KDM5D: variants seen among roughly 807,000 people sequenced by gnomAD.
The protein encoded by KDM5D is lysine-specific demethylase 5D.
Under a neutral mutation model 31.9 loss-of-function variants are expected in KDM5D, and 25 were observed. That is an observed-to-expected ratio of 0.78 (90% CI 0.57 to 1.09). The LOEUF is 1.09. KDM5D is among the 50% of genes least tolerant of loss of function. The pLI is 0.00. For synonymous variants in KDM5D, 146 were observed against 122.3 expected (o/e 1.19, Z -1.28); for missense variants, 366 against 341.6 (o/e 1.07, Z -0.56).
rs1365840574 is a variant in KDM5D at position 19,743,217 on chromosome Y, A to G, written c.173T>C (p.Val58Ala). 2 of 390,270 alleles carry G rather than the reference A, an allele frequency of 5.1e-6. No individual in the cohort carries two copies. The highest frequency in any genetic ancestry group is 7.2e-6 in the Non-Finnish European group (2 of 276,855). Residue 58 changes from valine to alanine, a missense_variant, in exon 3 of 27, where the codon GTA becomes GCA. Val to Ala is a moderately conservative substitution (Grantham distance 64). Transcript: ENST00000317961. The part of the protein sequence containing the change: ...PPADWQPPFA[V>A]EVDNFRFTPR... ...AGTAAATCTGAAATTGTCAACTTCT[A>G]CTGCAAAAGGAGGCTGCCAATCCTA...
At chrY:19,706,380 G>A (rs767239300) in intron 26 of KDM5D, 35 bp from the exon 27 acceptor site, 1 of 385,519 alleles carries the variant, frequency 2.6e-6, no homozygotes, top group South Asian at 3.1e-5. Flanking sequence ...AAAAACGTCA[G>A]TACTGGGATC....
intron 18 of KDM5D, among the ~76,000 whole-genome samples, chrY:19,714,182 C>G (rs946821318): frequency 3.1e-5 from 1 of 32,781 alleles, no homozygotes; most frequent in Admixed American, 2.7e-4. Flanking sequence ...GAGAGAGGAT[C>G]AGGAGAAATA....
intron 13 of KDM5D, among the ~76,000 whole-genome samples, chrY:19,718,482 C>T (rs1009837436): frequency 5.8e-5 from 2 of 34,220 alleles, no homozygotes; most frequent in Non-Finnish European, 1.5e-4. Flanking sequence ...ATAAGAAATA[C>T]GCAGAATAAA....
chrY:19,716,388 A>G lies in KDM5D; in HGVS notation c.1922T>C (p.Met641Thr). 2.5e-6 allele frequency: 1 copy of G among 399,182 alleles called. No individual in the cohort carries two copies. Among genetic ancestry groups the G allele is most frequent in the Non-Finnish European group, 3.5e-6 (1 of 283,401 alleles). Residue 641 changes from methionine (M) to threonine (T), a missense_variant, in exon 15 of 27, where the codon ATG becomes ACG. Transcript: ENST00000317961. ...ATCCAACGTCTCTGGGAAGGCAGCC[A>G]TCTTGCAGATGAGCTCCTCGTGGGA... is the stretch of plus-strand genomic sequence containing the variant. ...VFSHEELICK[M>T]AAFPETLDLN...
intron 6 of KDM5D, 54 bp downstream of exon 6, chrY:19,739,474 T>C: frequency 2.9e-6 from 1 of 348,733 alleles, no homozygotes; most frequent in African/African-American, 6.8e-5. Context: ...AATATCAAGG[T>C]CTAGATGAAC....
Position 19,716,292 on chromosome Y carries a change from G to C in KDM5D, c.2018C>G (p.Ala673Gly). ...TTGACCACCCACCTTCTCCAAAAGG[G>C]CCTTTCGTAGACGTCGCTCCTCCTG... ...MVQEERRLRK[A>G]LLEKGVTEAE... The change falls in exon 15 of 27, where the codon GCC becomes GGC. Residue 673 changes from alanine to glycine, a missense_variant. Transcript: ENST00000317961. 2.5e-6 allele frequency: 1 copy of C among 397,827 alleles called. No homozygotes were observed. The highest frequency in any genetic ancestry group is 3.5e-6 in the Non-Finnish European group (1 of 282,527).
intron 11 of KDM5D, among the ~76,000 whole-genome samples, chrY:19,725,110 A>G (rs772231730): frequency 3.0e-5 from 1 of 33,891 alleles, no homozygotes; most frequent in East Asian, 7.9e-4. Flanking sequence ...GGAAGAATCA[A>G]TATCGTGAAA....
chrY:19,736,522 G>A (rs377283388), intron 6 of KDM5D, among the ~76,000 whole-genome samples: 6 of 32,118 alleles, frequency 1.9e-4, no homozygotes, highest in South Asian at 7.0e-4. Flanking sequence ...ATTGCATTAC[G>A]TCTATGAGAA....
rs1603545674 is a variant in KDM5D at position 19,705,833 on chromosome Y, G to A, written c.*162C>T. On this transcript the variant is annotated 3_prime_UTR_variant, in exon 27 of 27. Coordinates refer to ENST00000317961, the MANE Select transcript of KDM5D (RefSeq NM_004653.5). ...CTGAGCATCGGGGTGTGGACTTTAC[G>A]AACCAACCTTTTAACAGTAACTCTA... 3 of 148,584 alleles carry A rather than the reference G, an allele frequency of 2.0e-5. No individual in the cohort carries two copies. The highest frequency in any genetic ancestry group is 1.2e-5 in the Non-Finnish European group (1 of 80,710). The allele number at this position is 148,584 out of a possible 400,897, so 37.1% of individuals were successfully genotyped here.
At chrY:19,740,570 T>G (rs2045542568) in intron 5 of KDM5D, among the ~76,000 whole-genome samples, 2 of 33,302 alleles carry the variant, frequency 6.0e-5, no homozygotes, top group African/African-American at 2.4e-4. Context: ...ACAATTAACT[T>G]ATTATGTAAA....
At chrY:19,728,867 A>G (rs2045452649) in intron 11 of KDM5D, among the ~76,000 whole-genome samples, 2 of 32,958 alleles carry the variant, frequency 6.1e-5, no homozygotes, top group Non-Finnish European at 1.5e-4. Context: ...TATATAGTCT[A>G]ATATTACTTG....
Position 19,721,039 on chromosome Y carries a change from T to C in KDM5D, c.1554-5A>G, listed in dbSNP as rs2045387823. 2.5e-6 allele frequency: 1 copy of C among 395,099 alleles called. No homozygotes were observed. Among genetic ancestry groups the C allele is most frequent in the African/African-American group, 6.5e-5 (1 of 15,308 alleles). Reference sequence around the variant, plus strand: ...TACCAGGTCTTCGGCTCACCCCTGCTCACGTAGACAGAAGACACGTCAAGT... The same window carrying C: ...TACCAGGTCTTCGGCTCACCCCTGCCCACGTAGACAGAAGACACGTCAAGT... On this transcript the variant is annotated splice_region_variant and splice_polypyrimidine_tract_variant and intron_variant, in intron 12 of 26. Coordinates refer to ENST00000317961, the MANE Select transcript of KDM5D (RefSeq NM_004653.5).
chrY:19,731,764 C>T lies in KDM5D; in HGVS notation c.1371+8G>A. ...GTTAATGTTAACATGAACTACCAACCGTATTACCTTCTCCTCAGGAGATAA... is the reference window on the plus strand; with the variant it reads ...GTTAATGTTAACATGAACTACCAACTGTATTACCTTCTCCTCAGGAGATAA... On this transcript the variant is annotated splice_region_variant and intron_variant, in intron 11 of 26. Transcript: ENST00000317961. 1 of 390,950 alleles carries T rather than the reference C, an allele frequency of 2.6e-6. No homozygotes were observed. The highest frequency in any genetic ancestry group is 3.0e-5 in the South Asian group (1 of 33,479).
Position 19,706,243 on chromosome Y carries a change from C to T in KDM5D, c.4372G>A (p.Val1458Ile). Reference sequence around the variant, plus strand: ...CTTTTTGACTGAAGCTCCTGTTGAACAAGATTCTCAACGTTTCTACCCTGA... The same window carrying T: ...CTTTTTGACTGAAGCTCCTGTTGAATAAGATTCTCAACGTTTCTACCCTGA... ...VDQGRNVENL[V>I]QQELQSKRAR... The change falls in exon 27 of 27, where the codon GTT (valine) becomes ATT (isoleucine). Residue 1458 changes from valine to isoleucine, a missense_variant. By Grantham distance (29) the Val-to-Ile change is conservative. Coordinates refer to ENST00000317961, the MANE Select transcript of KDM5D (RefSeq NM_004653.5). 2.5e-6 allele frequency: 1 copy of T among 396,194 alleles called. No homozygotes were observed. The highest frequency in any genetic ancestry group is 3.5e-6 in the Non-Finnish European group (1 of 282,245).
At chrY:19,710,147 T>TG (rs2045285206) in intron 19 of KDM5D, 1 of 360,570 alleles carries the variant, frequency 2.8e-6, no homozygotes, top group African/African-American at 6.8e-5. Context: ...CAGTGTCTTA[T>TG]GTAGGCCCAG....
Position 19,707,236 on chromosome Y carries a change from C to A in KDM5D, c.3910G>T (p.Ala1304Ser). 1 of 396,683 alleles carries A rather than the reference C, an allele frequency of 2.5e-6. No homozygotes were observed. Among genetic ancestry groups the A allele is most frequent in the Non-Finnish European group, 3.5e-6 (1 of 282,260 alleles). The change falls in exon 24 of 27, where the codon GCC becomes TCC. Residue 1304 changes from alanine (A) to serine (S), a missense_variant. Ala to Ser is a moderately conservative substitution (Grantham distance 99). Transcript: ENST00000317961. ...QLAELRQQLQ[A>S]KPRPEEASVY... The stretch of plus-strand genomic sequence containing the variant: ...GAGGCCTCCTCTGGTCTGGGTTTGG[C>A]CTGTAGCTGTTGGCGAAGCTCAGCC...
At chrY:19,744,586 C>A (rs1438680934) in intron 1 of KDM5D, 33 bp from the exon 2 acceptor site, 1 of 287,354 alleles carries the variant, frequency 3.5e-6, no homozygotes, top group South Asian at 3.8e-5. Flanking sequence ...TCTTTAATGA[C>A]GCGCTGGTTC....
At chrY:19,715,766 C>T (rs373402189) in intron 16 of KDM5D, 27 bp from the exon 17 acceptor site, 1 of 396,176 alleles carries the variant, frequency 2.5e-6, no homozygotes, top group African/African-American at 6.5e-5. Context: ...GGGAAGGGTA[C>T]ACATCTGGCC....
Position 19,705,832 on chromosome Y carries a change from C to T in KDM5D, c.*163G>A, listed in dbSNP as rs13447377. The T allele has an allele frequency of 1.6e-4, 24 of 148,236 alleles. No individual in the cohort carries two copies. Among genetic ancestry groups the T allele is most frequent in the Non-Finnish European group, 2.4e-4 (19 of 80,452 alleles). 37.0% of individuals were successfully genotyped at this position (148,236 alleles called of 400,897 possible). A position where few individuals can be genotyped will look rare whatever the true frequency, so the allele number is the denominator to read the frequency against. ...TCTGAGCATCGGGGTGTGGACTTTA[C>T]GAACCAACCTTTTAACAGTAACTCT... On this transcript the variant is annotated 3_prime_UTR_variant, in exon 27 of 27. Coordinates refer to ENST00000317961, the MANE Select transcript of KDM5D (RefSeq NM_004653.5).
Sources: gnomAD v4.1 joint callset for allele counts (sites outside exome capture counted in the v4.1 genomes callset) on GRCh38, gnomAD v4.1.1 for gene constraint, MANE v1.5 for transcripts, NCBI Gene and HGNC (gene_info 2026-07-23, HGNC 2026-07-21) for gene names.